OR2L13: variants seen among roughly 807,000 people sequenced by gnomAD.
OR2L13 encodes the protein olfactory receptor 2L13.
A neutral mutation model predicts 15.3 loss-of-function variants in OR2L13; 14 were observed. The observed-to-expected ratio is 0.91, with a 90% CI of 0.60 to 1.43. The LOEUF is 1.43. OR2L13 is among the 40% of genes most tolerant of loss of function. OR2L13 has a pLI of 0.00. For synonymous variants in OR2L13, 152 were observed against 142.9 expected (o/e 1.06, Z -0.45); for missense variants, 367 against 387.9 (o/e 0.95, Z 0.45).
chr1:248,071,472 T>C, the OR2L13 span, among the ~76,000 whole-genome samples: 2 of 152,196 alleles, frequency 1.3e-5, no homozygotes, highest in African/African-American at 2.4e-5. Flanking sequence ...TGATGGGACA[T>C]ATCTCAAAAT....
chr1:248,003,104 C>A, the OR2L13 span: 1 of 1,104,582 alleles, frequency 9.1e-7, no homozygotes, highest in Non-Finnish European at 1.4e-6. Flanking sequence ...TCGTGTCTCC[C>A]TTCCGGATGG....
the OR2L13 span, among the ~76,000 whole-genome samples, chr1:247,945,351 T>C: frequency 6.6e-6 from 1 of 152,204 alleles, no homozygotes; most frequent in Non-Finnish European, 1.5e-5. Context: ...TCTAATTTGA[T>C]TGTGCTGTGG....
chr1:248,091,277 C>G (rs1664590955), upstream of OR2L13, among the ~76,000 whole-genome samples: 1 of 146,102 alleles, frequency 6.8e-6, no homozygotes, highest in African/African-American at 2.8e-5. Context: ...TGCAAGAGCT[C>G]TTTAATTTAA....
At chr1:248,018,090 G>A in the OR2L13 span, among the ~76,000 whole-genome samples, 1 of 149,796 alleles carries the variant, frequency 6.7e-6, no homozygotes, top group Non-Finnish European at 1.5e-5. Flanking sequence ...GGGAGGCGGA[G>A]CTTGCAGTGA....
chr1:247,953,858 A>C, the OR2L13 span, among the ~76,000 whole-genome samples: 1 of 151,620 alleles, frequency 6.6e-6, no homozygotes, highest in African/African-American at 2.4e-5. Context: ...ATTAACTCTT[A>C]TTTTTCACTA....
chr1:247,956,010 T>C, the OR2L13 span, among the ~76,000 whole-genome samples: 1 of 145,072 alleles, frequency 6.9e-6, no homozygotes, highest in African/African-American at 2.5e-5. Context: ...AGTCATGAAG[T>C]CCTTGCCCAT....
the OR2L13 span, among the ~76,000 whole-genome samples, chr1:248,070,400 A>T: frequency 6.6e-6 from 1 of 152,210 alleles, no homozygotes; most frequent in Non-Finnish European, 1.5e-5. Flanking sequence ...AAATGAAGGC[A>T]GAAATAAAGA....
chr1:248,058,529 G>GTT, the OR2L13 span, among the ~76,000 whole-genome samples: 5 of 151,620 alleles, frequency 3.3e-5, no homozygotes, highest in Non-Finnish European at 4.4e-5. Context: ...GTAAAACCTG[G>GTT]TTATATATAT....
the OR2L13 span, among the ~76,000 whole-genome samples, chr1:248,063,793 C>CGTGT: frequency 1.1e-3 from 163 of 146,600 alleles, 1 homozygote; most frequent in African/African-American, 4.0e-3. Flanking sequence ...AAGATGTGTG[C>CGTGT]GTGTGTGTGT....
the OR2L13 span, among the ~76,000 whole-genome samples, chr1:247,961,785 A>G: frequency 2.0e-5 from 3 of 152,158 alleles, no homozygotes; most frequent in African/African-American, 7.2e-5. Flanking sequence ...CATGGATAAA[A>G]TGCAGTTTAC....
At chr1:248,004,141 A>AT in the OR2L13 span, 1 of 1,266,122 alleles carries the variant, frequency 7.9e-7, no homozygotes, top group Middle Eastern at 2.0e-4. Flanking sequence ...TTAAAATATC[A>AT]TTTCATTCCT....
chr1:248,018,272 C>A, the OR2L13 span, among the ~76,000 whole-genome samples: 1 of 151,846 alleles, frequency 6.6e-6, no homozygotes, highest in African/African-American at 2.4e-5. Flanking sequence ...TGTTACTTTT[C>A]CTTTTTTAAA....
chr1:248,044,395 C>G, the OR2L13 span, among the ~76,000 whole-genome samples: 1 of 152,212 alleles, frequency 6.6e-6, no homozygotes, highest in African/African-American at 2.4e-5. Flanking sequence ...GTCTAAGAAA[C>G]TGACTCAGTG....
chr1:247,975,441 T>G, the OR2L13 span: 1 of 737,462 alleles, frequency 1.4e-6, no homozygotes, highest in Non-Finnish European at 2.5e-6. Context: ...ATTCGACCTG[T>G]AGCACCCACC....
the OR2L13 span, chr1:247,974,648 C>T: frequency 1.0e-5 from 2 of 195,470 alleles, no homozygotes; most frequent in Non-Finnish European, 1.2e-5. Flanking sequence ...TTCAGGCATT[C>T]CCTGGAGGTC....
chr1:248,058,869 T>A, the OR2L13 span, among the ~76,000 whole-genome samples: 1 of 152,110 alleles, frequency 6.6e-6, no homozygotes, highest in African/African-American at 2.4e-5. Flanking sequence ...TTTTTCATAT[T>A]GTTGTTGCTT....
At chr1:248,029,630 C>A in the OR2L13 span, among the ~76,000 whole-genome samples, 3 of 152,052 alleles carry the variant, frequency 2.0e-5, no homozygotes, top group African/African-American at 7.2e-5. Flanking sequence ...TATGTGATAG[C>A]TTAATAATTT....
chr1:248,018,733 A>C, the OR2L13 span, among the ~76,000 whole-genome samples: 947 of 152,288 alleles, frequency 6.2e-3, 9 homozygotes, highest in African/African-American at 0.021. Context: ...TGCAACCATC[A>C]CCACCATGCA....
At chr1:247,987,590 T>C in the OR2L13 span, among the ~76,000 whole-genome samples, 1 of 152,202 alleles carries the variant, frequency 6.6e-6, no homozygotes, top group Non-Finnish European at 1.5e-5. Flanking sequence ...GGCTAAAATA[T>C]TCGACCCATA....
Sources: allele counts gnomAD v4.1 joint callset (sites outside exome capture counted in the v4.1 genomes callset), GRCh38; gene constraint gnomAD v4.1.1; transcripts MANE v1.5; gene names NCBI Gene and HGNC (gene_info 2026-07-23, HGNC 2026-07-21).